TSNARE1: variants seen among roughly 807,000 people sequenced by gnomAD.
TSNARE1 encodes the protein t-SNARE domain-containing protein 1.
TSNARE1 carries 49 observed loss-of-function variants against 62.0 expected under a neutral mutation model. The ratio of observed to expected loss-of-function variants is 0.79; its 90% CI spans 0.63 to 1.00. The LOEUF is 1.00. TSNARE1 is among the 50% of genes least tolerant of loss of function. The pLI, the probability that TSNARE1 is intolerant of heterozygous loss-of-function variation, is 0.00. For missense variants in TSNARE1, 755 were observed against 700.1 expected (o/e 1.08, Z -0.88); for synonymous variants, 328 against 294.4 (o/e 1.11, Z -1.17).
At chr8:142,381,475 C>G (rs918728547) in intron 1 of TSNARE1, among the ~76,000 whole-genome samples, 1 of 152,108 alleles carries the variant, frequency 6.6e-6, no homozygotes, top group Non-Finnish European at 1.5e-5. Flanking sequence ...AGCGCCCCCC[C>G]CCACCCCACC....
chr8:142,349,287 T>C (rs541110247), intron 2 of TSNARE1, among the ~76,000 whole-genome samples: 2 of 152,302 alleles, frequency 1.3e-5, no homozygotes, highest in African/African-American at 4.8e-5. Flanking sequence ...GAAATCATAA[T>C]GGAAAGTTAA....
rs771296773 is a variant in TSNARE1, at chr8:142,330,961, AAGG to A, written c.830_832del (p.Ser277del). ...CCCTAAGGACTGAAGGCTCCGCTCC[AAGG>A]AGGTCACTGCCCGAGAGAAGAGGGA... is the stretch of plus-strand genomic sequence containing the variant. On this transcript the variant is annotated inframe_deletion, in exon 6 of 14. Transcript: ENST00000524325. 6.2e-6 allele frequency: 10 copies of A among 1,613,860 alleles called. No individual in the cohort carries two copies. The Admixed American group carries it at 1.3e-4, about 22-fold the overall frequency.
chr8:142,314,058 C>T (rs573584826), intron 9 of TSNARE1, among the ~76,000 whole-genome samples: 2 of 152,340 alleles, frequency 1.3e-5, no homozygotes, highest in East Asian at 1.9e-4. Flanking sequence ...GGACTCCAGG[C>T]GTGAGCCACC....
intron 9 of TSNARE1, among the ~76,000 whole-genome samples, chr8:142,312,880 G>C (rs1444660773): frequency 1.3e-5 from 2 of 152,204 alleles, no homozygotes; most frequent in Admixed American, 6.5e-5. Flanking sequence ...AAATGTCCTG[G>C]GGGTGAGAAG....
At chr8:142,214,042 T>C (rs1230666826) in intron 13 of TSNARE1, among the ~76,000 whole-genome samples, 1 of 152,164 alleles carries the variant, frequency 6.6e-6, no homozygotes, top group Non-Finnish European at 1.5e-5. Flanking sequence ...CCCAAGGCTT[T>C]CCATAGCTGG....
chr8:142,353,420 C>T (rs934562994), intron 2 of TSNARE1, among the ~76,000 whole-genome samples: 17 of 152,302 alleles, frequency 1.1e-4, no homozygotes, highest in African/African-American at 4.1e-4. Flanking sequence ...CAGCCCGGCA[C>T]TCCCAGTGGG....
chr8:142,333,105 G>C (rs966938971), intron 4 of TSNARE1, among the ~76,000 whole-genome samples: 2 of 152,246 alleles, frequency 1.3e-5, no homozygotes, highest in Admixed American at 1.3e-4. Context: ...CTGGGGCAGG[G>C]CCGGAGGGAC....
At chr8:142,343,444 G>A (rs1339737859) in intron 4 of TSNARE1, among the ~76,000 whole-genome samples, 1 of 151,776 alleles carries the variant, frequency 6.6e-6, no homozygotes, top group Non-Finnish European at 1.5e-5. Flanking sequence ...TTCTCGGTGT[G>A]TGTGTCTACC....
chr8:142,222,407 CTCACTCACTCAT>C, intron 13 of TSNARE1, among the ~76,000 whole-genome samples: 3 of 146,422 alleles, frequency 2.0e-5, no homozygotes, highest in Non-Finnish European at 1.5e-5. Context: ...CACTCATTCA[CTCACTCACTCAT>C]TCACTCACTC....
chr8:142,393,186 A>G (rs1263761511), intron 1 of TSNARE1, among the ~76,000 whole-genome samples: 1 of 152,232 alleles, frequency 6.6e-6, no homozygotes, highest in African/African-American at 2.4e-5. Flanking sequence ...CCCCTGCAGC[A>G]GCCCTGAGAA....
chr8:142,283,220 G>A (rs1459231022), intron 11 of TSNARE1, among the ~76,000 whole-genome samples: 5 of 149,636 alleles, frequency 3.3e-5, no homozygotes, highest in Non-Finnish European at 7.4e-5. Context: ...GGCAAAAGCG[G>A]GATCAGTGTC....
chr8:142,392,853 T>C (rs562946894), intron 1 of TSNARE1, among the ~76,000 whole-genome samples: 3 of 151,708 alleles, frequency 2.0e-5, no homozygotes, highest in East Asian at 1.9e-4. Flanking sequence ...GGCAGGAGAA[T>C]TGCTTGAACC....
intron 13 of TSNARE1, among the ~76,000 whole-genome samples, chr8:142,217,470 G>T (rs1160784193): frequency 2.0e-5 from 3 of 152,206 alleles, no homozygotes; most frequent in African/African-American, 4.8e-5. Context: ...ATGGTGCTGA[G>T]ATCTTGAATG....
chr8:142,292,306 C>T (rs886192949), intron 10 of TSNARE1, among the ~76,000 whole-genome samples: 3 of 152,208 alleles, frequency 2.0e-5, no homozygotes, highest in African/African-American at 7.2e-5. Flanking sequence ...GAGCTTCCCC[C>T]GTGGAAGCGA....
chr8:142,382,115 C>T (rs1039533637), intron 1 of TSNARE1, among the ~76,000 whole-genome samples: 6 of 152,176 alleles, frequency 3.9e-5, no homozygotes, highest in Non-Finnish European at 8.8e-5. Context: ...GGGGCCCCTG[C>T]GCATGGGCAT....
At chr8:142,274,412 C>T (rs557189050) in intron 12 of TSNARE1, 1 of 985,502 alleles carries the variant, frequency 1.0e-6, no homozygotes, top group Non-Finnish European at 1.2e-6. Flanking sequence ...AAAGTCCCCT[C>T]TGCAGTTCCC....
At chr8:142,373,356 A>C (rs932146437) in intron 1 of TSNARE1, among the ~76,000 whole-genome samples, 8 of 151,944 alleles carry the variant, frequency 5.3e-5, no homozygotes, top group African/African-American at 1.9e-4. Flanking sequence ...GCCAGGTCTC[A>C]CCCTGACTGG....
chr8:142,235,861 G>A lies in TSNARE1; in HGVS notation c.1447-6282C>T, dbSNP rs562602545. On this transcript the variant is annotated intron_variant, in intron 12 of 13. Transcript: ENST00000524325. ...GGGCACGGGAGTCCTGTCTTTTAGG[G>A]AGGGCTTCATGCAGGGTGGGGGATG... 7.2e-4 allele frequency among the ~76,000 whole-genome samples: 109 copies of A among 152,316 alleles called. 1 individual carries two copies. The highest frequency in any genetic ancestry group is 2.5e-3 in the African/African-American group (105 of 41,584).
intron 13 of TSNARE1, among the ~76,000 whole-genome samples, chr8:142,214,947 G>A (rs979554067): frequency 2.0e-5 from 3 of 152,182 alleles, no homozygotes; most frequent in Non-Finnish European, 2.9e-5. Flanking sequence ...TACAGCAGCT[G>A]AGCTGATAAG....
Sources: allele counts gnomAD v4.1 joint callset (sites outside exome capture counted in the v4.1 genomes callset), GRCh38; gene constraint gnomAD v4.1.1; transcripts MANE v1.5; gene names NCBI Gene and HGNC (gene_info 2026-07-23, HGNC 2026-07-21).